Variants in SPATS2 observed in about 807,000 individuals in gnomAD.
SPATS2 encodes the protein spermatogenesis-associated serine-rich protein 2.
SPATS2 carries 38 observed loss-of-function variants against 63.7 expected under a neutral mutation model. The ratio of observed to expected loss-of-function variants is 0.60; its 90% CI spans 0.46 to 0.78. The LOEUF (loss-of-function observed/expected upper bound fraction) is 0.78, where lower values mean the gene tolerates loss of function less well. Among genes scored for constraint, SPATS2 ranks in the 30% least tolerant of loss-of-function variants. SPATS2 has a pLI of 0.00. For synonymous variants in SPATS2, 207 were observed against 232.9 expected (o/e 0.89, Z 1.01); for missense variants, 588 against 666.2 (o/e 0.88, Z 1.29).
intron 2 of SPATS2, among the ~76,000 whole-genome samples, chr12:49,421,943 C>CT (rs1944991440): frequency 1.3e-5 from 2 of 152,132 alleles, no homozygotes; most frequent in Non-Finnish European, 1.5e-5. Flanking sequence ...AGGTAAAACT[C>CT]TTCTGCCCTA....
chr12:49,393,975 T>A (rs137905301), intron 2 of SPATS2, among the ~76,000 whole-genome samples: 305 of 152,242 alleles, frequency 2.0e-3, no homozygotes, highest in African/African-American at 6.8e-3. Context: ...GAGCCACTGC[T>A]CCTGGCCAGC....
chr12:49,460,956 C>T lies in SPATS2; in HGVS notation c.-57C>T. The T allele has an allele frequency of 6.2e-7, 1 of 1,605,396 alleles. No homozygotes were observed. Among genetic ancestry groups the T allele is most frequent in the Non-Finnish European group, 8.5e-7 (1 of 1,173,722 alleles). ...AATCAGAGATACCTACACTCAAAAC[C>T]CAGACAAGGCAAAAGGATACTTTTC... On this transcript the variant is annotated 5_prime_UTR_variant, in exon 3 of 14. Coordinates refer to ENST00000552918, the MANE Select transcript of SPATS2 (RefSeq NM_023071.4).
intron 7 of SPATS2, among the ~76,000 whole-genome samples, 188 bp from the exon 8 acceptor site, chr12:49,496,645 C>G (rs1946468836): frequency 6.6e-6 from 1 of 152,170 alleles, no homozygotes. Context: ...AAGACTAAGC[C>G]CGAAGCTGCC....
intron 2 of SPATS2, among the ~76,000 whole-genome samples, chr12:49,454,828 C>G (rs1945689955): frequency 6.6e-6 from 1 of 151,082 alleles, no homozygotes; most frequent in Non-Finnish European, 1.5e-5. Flanking sequence ...TGCAGTGAGC[C>G]AGGGTCGCAC....
chr12:49,435,638 CTTTTTTTTT>C (rs34420984), intron 2 of SPATS2, among the ~76,000 whole-genome samples: 40 of 96,056 alleles, frequency 4.2e-4, no homozygotes, highest in East Asian at 2.0e-3. Context: ...TGAATGGTTT[CTTTTTTTTT>C]TTTTTTTTTT....
rs546314561 is a variant in SPATS2 at position 49,405,045 on chromosome 12, G to A, written c.-244+33755G>A. ...ACTGCAGCAGCAGATTTGAGTGGTT[G>A]CAATACAGACTGTATGGCTTGCAAA... On this transcript the variant is annotated intron_variant, in intron 2 of 13. Coordinates refer to ENST00000552918, the MANE Select transcript of SPATS2 (RefSeq NM_023071.4). Among the ~76,000 whole-genome samples the A allele has an allele frequency of 3.3e-5, 5 of 150,132 alleles. No individual in the cohort carries two copies. The South Asian group carries it at 1.0e-3, about 32-fold the overall frequency.
chr12:49,379,222 A>G (rs1944165045), intron 2 of SPATS2, among the ~76,000 whole-genome samples: 1 of 151,154 alleles, frequency 6.6e-6, no homozygotes, highest in African/African-American at 2.4e-5. Flanking sequence ...GCCTGGCCCC[A>G]GATTTTATTT....
chr12:49,453,171 A>AT (rs1945655530), intron 2 of SPATS2, among the ~76,000 whole-genome samples: 1 of 151,890 alleles, frequency 6.6e-6, no homozygotes, highest in Non-Finnish European at 1.5e-5. Context: ...AAAAAAAAAA[A>AT]AAAAAAGAAA....
At chr12:49,426,308 C>T (rs1318154049) in intron 2 of SPATS2, among the ~76,000 whole-genome samples, 1 of 151,878 alleles carries the variant, frequency 6.6e-6, no homozygotes, top group Non-Finnish European at 1.5e-5. Flanking sequence ...CTATTCAGAT[C>T]AGGATCCTAG....
intron 2 of SPATS2, among the ~76,000 whole-genome samples, chr12:49,450,647 G>A (rs1362260315): frequency 2.0e-5 from 3 of 151,924 alleles, no homozygotes; most frequent in East Asian, 3.9e-4. Flanking sequence ...AGGTTCAAGC[G>A]ATTCTCCTGC....
chr12:49,445,396 T>A (rs774100995), intron 2 of SPATS2, among the ~76,000 whole-genome samples: 1 of 152,154 alleles, frequency 6.6e-6, no homozygotes, highest in African/African-American at 2.4e-5. Context: ...CATTAATTGG[T>A]TTTTGCATGT....
chr12:49,460,315 G>A (rs1303493893), intron 2 of SPATS2, among the ~76,000 whole-genome samples: 5 of 152,038 alleles, frequency 3.3e-5, no homozygotes, highest in Admixed American at 1.3e-4. Flanking sequence ...TTAGCTGGGC[G>A]TGGTGGTGCA....
In SPATS2 at chr12:49,524,695, G is replaced by T. The variant is rs1453667756; in HGVS notation, c.1125G>T (p.Lys375Asn). Residue 375 changes from lysine (K) to asparagine (N), a missense_variant, in exon 13 of 14, where the codon AAG (lysine) becomes AAT (asparagine). Transcript: ENST00000552918. The part of the protein sequence containing the change: ...IDSFGQVSHP[K>N]NSYSTRSRCS... ...TTTCTGTTTCAGTGTCTCATCCAAA[G>T]AACAGCTATTCGACCAGATCCCGAT... is the stretch of plus-strand genomic sequence containing the variant. 6.2e-7 allele frequency: 1 copy of T among 1,614,152 alleles called. No individual in the cohort carries two copies. Among genetic ancestry groups the T allele is most frequent in the Non-Finnish European group, 8.5e-7 (1 of 1,180,028 alleles).
At chr12:49,379,798 T>G (rs1330941610) in intron 2 of SPATS2, among the ~76,000 whole-genome samples, 1 of 151,802 alleles carries the variant, frequency 6.6e-6, no homozygotes, top group Non-Finnish European at 1.5e-5. Flanking sequence ...AATTTTTGTA[T>G]TTTTAGTAGA....
At chr12:49,389,152 A>C (rs1944372534) in intron 2 of SPATS2, among the ~76,000 whole-genome samples, 1 of 152,188 alleles carries the variant, frequency 6.6e-6, no homozygotes, top group Non-Finnish European at 1.5e-5. Flanking sequence ...ATAATTCAGG[A>C]ACCTCAGAAT....
chr12:49,372,503 G>T (rs1010570790), intron 2 of SPATS2, among the ~76,000 whole-genome samples: 1 of 152,198 alleles, frequency 6.6e-6, no homozygotes, highest in African/African-American at 2.4e-5. Context: ...TGTATCCAAT[G>T]TGGAAGGAAC....
intron 5 of SPATS2, 75 bp from the exon 6 acceptor site, chr12:49,490,607 T>C (rs1592451314): frequency 7.4e-7 from 1 of 1,359,000 alleles, no homozygotes; most frequent in South Asian, 1.2e-5. Flanking sequence ...AATTACAAAA[T>C]GGGAGGACAC....
chr12:49,504,151 C>T (rs530095668), intron 9 of SPATS2, among the ~76,000 whole-genome samples: 1 of 152,042 alleles, frequency 6.6e-6, no homozygotes, highest in African/African-American at 2.4e-5. Flanking sequence ...TTGGTTATAG[C>T]ATAAAAAAAA....
At chr12:49,430,958 A>T (rs1945174986) in intron 2 of SPATS2, among the ~76,000 whole-genome samples, 1 of 152,186 alleles carries the variant, frequency 6.6e-6, no homozygotes, top group Non-Finnish European at 1.5e-5. Context: ...CCTCAGTGGG[A>T]TTACAGGCAT....
Sources: allele counts gnomAD v4.1 joint callset (sites outside exome capture counted in the v4.1 genomes callset), GRCh38; gene constraint gnomAD v4.1.1; transcripts MANE v1.5; gene names NCBI Gene and HGNC (gene_info 2026-07-23, HGNC 2026-07-21).